The following PHTF1 variants were observed in gnomAD, a reference collection of about 807,000 sequenced individuals.
PHTF1 encodes protein PHTF1.
PHTF1 carries 88 observed loss-of-function variants against 102.4 expected under a neutral mutation model. That is an observed-to-expected ratio of 0.86 (90% CI 0.72 to 1.03). The LOEUF (loss-of-function observed/expected upper bound fraction) is 1.03, where lower values mean the gene tolerates loss of function less well. Ranked by LOEUF, PHTF1 falls within the 50% of genes least tolerant of loss-of-function variation. PHTF1 has a pLI of 0.00. For missense variants in PHTF1, 814 were observed against 909.5 expected (o/e 0.89, Z 1.35); for synonymous variants, 289 against 305.2 (o/e 0.95, Z 0.55).
intron 3 of PHTF1, among the ~76,000 whole-genome samples, chr1:113,749,225 C>T (rs1657660416): frequency 6.6e-6 from 1 of 152,014 alleles, no homozygotes; most frequent in South Asian, 2.1e-4. Flanking sequence ...TTTCTCTTTT[C>T]TTCTTTTTCT....
At chr1:113,699,437 AG>A in intron 17 of PHTF1, 1 of 600,318 alleles carries the variant, frequency 1.7e-6, no homozygotes, top group Non-Finnish European at 3.1e-6. Context: ...GATCTCCTCC[AG>A]GGACTTGATC....
intron 5 of PHTF1, among the ~76,000 whole-genome samples, chr1:113,729,283 G>A (rs1366179611): frequency 6.6e-6 from 1 of 152,140 alleles, no homozygotes; most frequent in African/African-American, 2.4e-5. Flanking sequence ...TAGTGGGGGT[G>A]GAGTAGGGGA....
At chr1:113,698,620 TACACACACACAC>T (rs56167437) in intron 17 of PHTF1, among the ~76,000 whole-genome samples, 1 of 49,752 alleles carries the variant, frequency 2.0e-5, no homozygotes, top group Non-Finnish European at 8.0e-5. Context: ...TATATATATA[TACACACACACAC>T]ACACACACAC....
At chr1:113,731,902 T>TTA (rs937063794) in intron 5 of PHTF1, among the ~76,000 whole-genome samples, 1 of 109,328 alleles carries the variant, frequency 9.1e-6, no homozygotes, top group Non-Finnish European at 1.9e-5. Context: ...GTCTCAATTT[T>TTA]AAAAAAAAAA....
At chr1:113,704,000 A>G in intron 15 of PHTF1, 81 bp downstream of exon 15, 1 of 810,416 alleles carries the variant, frequency 1.2e-6, no homozygotes, top group Admixed American at 2.2e-5. Flanking sequence ...ATACTTAAGG[A>G]CAGTGACCTA....
chr1:113,709,197 C>A (rs1025975569), intron 11 of PHTF1, among the ~76,000 whole-genome samples: 4 of 151,952 alleles, frequency 2.6e-5, no homozygotes, highest in Non-Finnish European at 5.9e-5. Context: ...GATTGCACCA[C>A]TGCACTCCAG....
chr1:113,718,850 C>T (rs551509895), intron 7 of PHTF1, among the ~76,000 whole-genome samples: 2 of 152,296 alleles, frequency 1.3e-5, no homozygotes, highest in South Asian at 4.1e-4. Flanking sequence ...GGCCTCCAGG[C>T]CTGTGAAGGG....
chr1:113,705,713 G>T (rs1288084663), intron 13 of PHTF1, 177 bp downstream of exon 13: 3 of 603,118 alleles, frequency 5.0e-6, no homozygotes, highest in Non-Finnish European at 8.7e-6. Flanking sequence ...ATTACAACGT[G>T]TAATATGTAA....
intron 5 of PHTF1, among the ~76,000 whole-genome samples, chr1:113,734,238 C>G (rs891001163): frequency 1.3e-5 from 2 of 152,016 alleles, no homozygotes; most frequent in African/African-American, 4.8e-5. Flanking sequence ...TCAGCCTGGG[C>G]AACAGAGCAA....
intron 7 of PHTF1, among the ~76,000 whole-genome samples, chr1:113,722,965 A>T (rs560498194): frequency 2.1e-4 from 29 of 140,988 alleles, no homozygotes; most frequent in African/African-American, 7.8e-4. Context: ...TAAATAAATA[A>T]AAATAAAAAT....
chr1:113,698,317 A>G lies in PHTF1; in HGVS notation c.2213T>C (p.Val738Ala), dbSNP rs1375494464. ...NPLIYNITRVVILSAVSGVIS... is the reference protein window; with the variant it reads ...NPLIYNITRVAILSAVSGVIS... ...AACACCTGAGACAGCAGAAAGGATA[A>G]CTACTCTTGTGATATTGTAGATTAA... The change falls in exon 18 of 19, where the codon GTT (valine) becomes GCT (alanine). Residue 738 changes from valine to alanine, a missense_variant. Physicochemically the swap from Val to Ala is moderately conservative, Grantham distance 64. Coordinates refer to ENST00000369604, the MANE Select transcript of PHTF1 (RefSeq NM_001323043.2). 3.7e-6 allele frequency: 6 copies of G among 1,607,642 alleles called. No homozygotes were observed. In the African/African-American group the frequency reaches 8.0e-5, roughly 21 times the overall value.
intron 13 of PHTF1, 102 bp downstream of exon 13, chr1:113,705,788 C>A: frequency 1.3e-6 from 1 of 794,576 alleles, no homozygotes; most frequent in Non-Finnish European, 2.0e-6. Context: ...CCTTTATTGC[C>A]CACATCAACT....
Position 113,742,141 on chromosome 1 carries a change from T to G in PHTF1, c.103-3342A>C, listed in dbSNP as rs189978243. Among the ~76,000 whole-genome samples, 14 of 152,320 alleles carry G rather than the reference T, an allele frequency of 9.2e-5. No individual in the cohort carries two copies. In the East Asian group the frequency reaches 2.7e-3, roughly 29 times the overall value. ...ATTCATCTTTAAGTGATTTCACTGT[T>G]GCCTGAACATCATACAGCGTAGTCA... On this transcript the variant is annotated intron_variant, in intron 3 of 18. Transcript: ENST00000369604.
chr1:113,726,641 T>A, intron 5 of PHTF1, 67 bp from the exon 6 acceptor site: 1 of 997,546 alleles, frequency 1.0e-6, no homozygotes, highest in East Asian at 2.8e-5. Context: ...CTAAAAACTA[T>A]ACAAATTGTT....
intron 7 of PHTF1, among the ~76,000 whole-genome samples, chr1:113,720,398 C>T (rs1652734818): frequency 2.6e-5 from 4 of 151,646 alleles, no homozygotes; most frequent in Admixed American, 2.6e-4. Flanking sequence ...AATAGAAAAA[C>T]CAACAAAAAA....
intron 3 of PHTF1, among the ~76,000 whole-genome samples, chr1:113,743,843 C>T (rs1320554887): frequency 6.6e-6 from 1 of 152,170 alleles, no homozygotes; most frequent in African/African-American, 2.4e-5. Context: ...TCACAAATGT[C>T]CTATGAGATT....
chr1:113,758,109 C>T (rs781179970), intron 2 of PHTF1, among the ~76,000 whole-genome samples: 36 of 151,458 alleles, frequency 2.4e-4, no homozygotes, highest in Non-Finnish European at 4.9e-4. Context: ...ATTAGCCGGG[C>T]GTGGTGGTGG....
chr1:113,739,907 A>G (rs986483675), intron 3 of PHTF1, among the ~76,000 whole-genome samples: 1 of 152,218 alleles, frequency 6.6e-6, no homozygotes, highest in Non-Finnish European at 1.5e-5. Flanking sequence ...TGAATGACAC[A>G]ACTTCATTCT....
chr1:113,731,315 T>G (rs1411142742), intron 5 of PHTF1, among the ~76,000 whole-genome samples: 2 of 151,926 alleles, frequency 1.3e-5, no homozygotes, highest in African/African-American at 4.8e-5. Flanking sequence ...TTTGATCACT[T>G]GACGCCAGGA....
Sources: allele counts gnomAD v4.1 joint callset (sites outside exome capture counted in the v4.1 genomes callset), GRCh38; gene constraint gnomAD v4.1.1; transcripts MANE v1.5; gene names NCBI Gene and HGNC (gene_info 2026-07-23, HGNC 2026-07-21).